NXN: variants seen among roughly 807,000 people sequenced by gnomAD.
The protein encoded by NXN is nucleoredoxin 1.
NXN carries 16 observed loss-of-function variants against 48.6 expected under a neutral mutation model. The observed-to-expected ratio is 0.33, with a 90% CI of 0.22 to 0.50. NXN has a LOEUF of 0.50. Ranked by LOEUF, NXN falls within the 20% of genes least tolerant of loss-of-function variation. The pLI is 0.98. For synonymous variants in NXN, 281 were observed against 269.6 expected, an observed-to-expected ratio of 1.04 and a Z score of -0.41; for missense variants, 492 against 605.5, an observed-to-expected ratio of 0.81 and a Z score of 1.97.
chr17:902,089 C>A lies in NXN; in HGVS notation c.361-76011G>T, dbSNP rs114835385. ...GTCCAGGGTTCCAGCCCTCCAGGCT[C>A]ATCTCCCAAAAATACCCTCGGGTGT... is the stretch of plus-strand genomic sequence containing the variant. On this transcript the variant is annotated intron_variant, in intron 1 of 7. Transcript: ENST00000336868. 7.6e-3 allele frequency among the ~76,000 whole-genome samples: 1,161 copies of A among 152,226 alleles called. 10 individuals are homozygous for A. The highest frequency in any genetic ancestry group is 0.026 in the African/African-American group (1,094 of 41,542).
chr17:959,146 A>G, intron 1 of NXN: 1 of 538,198 alleles, frequency 1.9e-6, no homozygotes. Flanking sequence ...ACAAGAGCCG[A>G]GCGCCCCTAC....
intron 5 of NXN, among the ~76,000 whole-genome samples, chr17:813,816 A>AG (rs1912312580): frequency 1.3e-5 from 2 of 152,074 alleles, no homozygotes; most frequent in Non-Finnish European, 2.9e-5. Flanking sequence ...AAATACAAAA[A>AG]TTAGCTGGGC....
chr17:979,455 C>G lies in NXN; in HGVS notation c.224G>C (p.Gly75Ala). Residue 75 changes from glycine (G) to alanine (A), a missense_variant, in exon 1 of 8, where the codon GGG becomes GCG. By Grantham distance (60) the Gly-to-Ala change is moderately conservative. Transcript: ENST00000336868. ...AAGPGPGAGA[G>A]AAAEPEPRRR... ...CCGCGGCTCGGGCTCCGCCGCCGCC[C>G]CGGCCCCCGCTCCCGGCCCCGGCCC... 11 of 1,222,118 alleles carry G rather than the reference C, an allele frequency of 9.0e-6. No individual in the cohort carries two copies. Among genetic ancestry groups the G allele is most frequent in the Non-Finnish European group, 1.1e-5 (11 of 975,332 alleles). The allele number at this position is 1,222,118 out of a possible 1,614,324, so 75.7% of individuals were successfully genotyped here. A position where few individuals can be genotyped will look rare whatever the true frequency, so the allele number is the denominator to read the frequency against.
chr17:812,089 G>A (rs1031628275), intron 5 of NXN, among the ~76,000 whole-genome samples: 55 of 151,112 alleles, frequency 3.6e-4, no homozygotes, highest in African/African-American at 1.3e-3. Flanking sequence ...CACCACGCCT[G>A]GCTAATTTTT....
chr17:826,996 C>G (rs1394637228), intron 1 of NXN, among the ~76,000 whole-genome samples: 3 of 152,206 alleles, frequency 2.0e-5, no homozygotes, highest in African/African-American at 7.2e-5. Context: ...TCGGGGTGAA[C>G]GCCATATGGG....
chr17:904,495 A>G (rs2068565799), intron 1 of NXN, among the ~76,000 whole-genome samples: 1 of 152,142 alleles, frequency 6.6e-6, no homozygotes, highest in African/African-American at 2.4e-5. Flanking sequence ...CTTTGACCCA[A>G]CACATTCCCA....
At chr17:823,498 C>T (rs1912929030) in intron 3 of NXN, 134 bp downstream of exon 3, 3 of 919,004 alleles carry the variant, frequency 3.3e-6, no homozygotes, top group East Asian at 5.1e-5. Context: ...AACCAGGCCT[C>T]GGGCACAGGA....
In NXN at chr17:932,488, C is replaced by T. The variant is rs2068864838; in HGVS notation, c.360+46831G>A. 6.6e-6 allele frequency among the ~76,000 whole-genome samples: 1 copy of T among 152,182 alleles called. No homozygotes were observed. The highest frequency in any genetic ancestry group is 2.1e-4 in the South Asian group (1 of 4,828). ...TCTTCAGCAAAACAAAACTCTGAGG[C>T]GGCGTTGGGTCCAGTCGTCGTCTCC... On this transcript the variant is annotated intron_variant, in intron 1 of 7. Coordinates refer to ENST00000336868, the MANE Select transcript of NXN (RefSeq NM_022463.5). The surrounding 1 kb of genome is among the most constrained non-coding windows in gnomAD (Gnocchi z 4.1).
chr17:886,482 G>T (rs1015202989), intron 1 of NXN, among the ~76,000 whole-genome samples: 1 of 152,150 alleles, frequency 6.6e-6, no homozygotes, highest in Non-Finnish European at 1.5e-5. Context: ...CGCTCCACGG[G>T]AACCAACACC....
chr17:924,976 G>A (rs1160040666), intron 1 of NXN, among the ~76,000 whole-genome samples: 1 of 152,196 alleles, frequency 6.6e-6, no homozygotes, highest in East Asian at 1.9e-4. Context: ...CAAGTCAGAT[G>A]GGAAGGAAAA....
At chr17:845,937 C>G (rs1296957930) in intron 1 of NXN, among the ~76,000 whole-genome samples, 1 of 152,116 alleles carries the variant, frequency 6.6e-6, no homozygotes, top group Non-Finnish European at 1.5e-5. Flanking sequence ...GTGGCTCATG[C>G]CTGTAATCCC....
intron 1 of NXN, among the ~76,000 whole-genome samples, chr17:954,677 G>T (rs2069146651): frequency 6.6e-6 from 1 of 152,210 alleles, no homozygotes; most frequent in African/African-American, 2.4e-5. Context: ...CACTCGGGAA[G>T]GGGGCTAACT....
intron 7 of NXN, 94 bp downstream of exon 7, chr17:803,588 G>C: frequency 6.6e-7 from 1 of 1,518,326 alleles, no homozygotes; most frequent in South Asian, 1.1e-5. Context: ...CCCTGACCCT[G>C]GGGTCCTTTC....
intron 1 of NXN, chr17:929,859 G>A (rs187725855): frequency 2.0e-5 from 3 of 151,664 alleles, no homozygotes; most frequent in Admixed American, 6.6e-5. Context: ...CCATTTACAC[G>A]TAACCTGTTG....
At chr17:895,539 G>A (rs530030438) in intron 1 of NXN, among the ~76,000 whole-genome samples, 17 of 151,866 alleles carry the variant, frequency 1.1e-4, no homozygotes, top group East Asian at 3.9e-4. Context: ...GTGGCCGGGC[G>A]CAGTGGCTCA....
chr17:880,482 G>C lies in NXN; in HGVS notation c.361-54404C>G, dbSNP rs866835983. Among the ~76,000 whole-genome samples, 3 of 152,144 alleles carry C rather than the reference G, an allele frequency of 2.0e-5. No homozygotes were observed. The South Asian group carries it at 6.2e-4, about 31-fold the overall frequency. On this transcript the variant is annotated intron_variant, in intron 1 of 7. Transcript: ENST00000336868. ...TTCCTGGAGAGAAAATCTTGGAAATGACCCATTTCCCCAACAGGACATCAT... is the reference window on the plus strand; with the variant it reads ...TTCCTGGAGAGAAAATCTTGGAAATCACCCATTTCCCCAACAGGACATCAT...
chr17:853,023 G>T (rs1177574597), intron 1 of NXN, among the ~76,000 whole-genome samples: 1 of 151,804 alleles, frequency 6.6e-6, no homozygotes, highest in Non-Finnish European at 1.5e-5. Context: ...TATCACCCAG[G>T]CTGGAGTGCA....
At chr17:820,861 T>C (rs1260264640) in intron 4 of NXN, among the ~76,000 whole-genome samples, 2 of 66,006 alleles carry the variant, frequency 3.0e-5, no homozygotes, top group East Asian at 4.5e-4. Context: ...AAGGTGGAGG[T>C]TGCAATGAGC....
At chr17:887,436 C>G (rs143686067) in intron 1 of NXN, among the ~76,000 whole-genome samples, 1 of 152,138 alleles carries the variant, frequency 6.6e-6, no homozygotes, top group African/African-American at 2.4e-5. Flanking sequence ...TTCATATGCT[C>G]GTCACCAAAG....
Sources: gnomAD v4.1 joint callset for allele counts (sites outside exome capture counted in the v4.1 genomes callset) on GRCh38, gnomAD v4.1.1 for gene constraint, Gnocchi (gnomAD v3.1) non-coding constraint, MANE v1.5 for transcripts, NCBI Gene and HGNC (gene_info 2026-07-23, HGNC 2026-07-21) for gene names.